TRAPPC9: variants seen among roughly 807,000 people sequenced by gnomAD.
TRAPPC9 encodes the protein trafficking protein particle complex subunit 9.
In TRAPPC9, 83 loss-of-function variants were observed where a neutral mutation model predicts 124.0. The ratio of observed to expected loss-of-function variants is 0.67; its 90% CI spans 0.56 to 0.80. TRAPPC9 has a LOEUF of 0.80. TRAPPC9 is among the 30% of genes least tolerant of loss of function. The pLI is 0.00. For synonymous variants in TRAPPC9, 638 were observed against 617.5 expected (o/e 1.03, Z -0.49); for missense variants, 1,302 against 1,508.3 (o/e 0.86, Z 2.27).
intron 17 of TRAPPC9, among the ~76,000 whole-genome samples, chr8:140,165,911 G>A (rs1333252438): frequency 2.6e-5 from 4 of 152,096 alleles, no homozygotes; most frequent in South Asian, 2.1e-4. Context: ...TGCTTCCTAC[G>A]TCTGCACTTT....
At chr8:140,194,337 T>C (rs971598394) in intron 17 of TRAPPC9, among the ~76,000 whole-genome samples, 2 of 152,030 alleles carry the variant, frequency 1.3e-5, no homozygotes, top group Non-Finnish European at 2.9e-5. Context: ...AAGTCCCTGA[T>C]ATAAAATAGC....
chr8:139,740,459 G>C (rs964087958), intron 21 of TRAPPC9, among the ~76,000 whole-genome samples: 4 of 152,236 alleles, frequency 2.6e-5, no homozygotes, highest in Non-Finnish European at 5.9e-5. Flanking sequence ...GGCAATGTGC[G>C]CATGCTGGGC....
At chr8:140,337,040 C>A (rs1479753983) in intron 9 of TRAPPC9, among the ~76,000 whole-genome samples, 2 of 152,154 alleles carry the variant, frequency 1.3e-5, no homozygotes, top group Non-Finnish European at 1.5e-5. Flanking sequence ...CAGTGTCGGA[C>A]ACTGAGATCC....
intron 18 of TRAPPC9, among the ~76,000 whole-genome samples, chr8:139,995,577 T>C (rs911292028): frequency 6.6e-6 from 1 of 152,136 alleles, no homozygotes; most frequent in Non-Finnish European, 1.5e-5. Context: ...GGGAAGCTCA[T>C]ATCCTGCCTT....
chr8:140,428,441 C>T (rs1368601656), intron 4 of TRAPPC9, among the ~76,000 whole-genome samples: 6 of 152,196 alleles, frequency 3.9e-5, no homozygotes, highest in South Asian at 2.1e-4. Context: ...CAGGTCCATA[C>T]GTCTCATTTG....
At chr8:139,831,262 G>C (rs534707598) in intron 21 of TRAPPC9, among the ~76,000 whole-genome samples, 1 of 152,162 alleles carries the variant, frequency 6.6e-6, no homozygotes, top group Non-Finnish European at 1.5e-5. Flanking sequence ...CTGCTGTGTC[G>C]TGTGTGTCTG....
chr8:140,020,349 C>T (rs1839760885), intron 18 of TRAPPC9, among the ~76,000 whole-genome samples: 1 of 152,166 alleles, frequency 6.6e-6, no homozygotes, highest in Non-Finnish European at 1.5e-5. Flanking sequence ...CTAATACAAA[C>T]ATTTACTGTA....
chr8:139,830,317 C>T (rs1825898967), intron 21 of TRAPPC9, among the ~76,000 whole-genome samples: 1 of 151,476 alleles, frequency 6.6e-6, no homozygotes, highest in African/African-American at 2.4e-5. Context: ...CATGCACACA[C>T]ATGCATACAC....
At chr8:139,740,141 A>G (rs1340794156) in intron 21 of TRAPPC9, among the ~76,000 whole-genome samples, 1 of 152,188 alleles carries the variant, frequency 6.6e-6, no homozygotes, top group Non-Finnish European at 1.5e-5. Flanking sequence ...CTCATGTTGT[A>G]AGGAATCTCC....
intron 17 of TRAPPC9, among the ~76,000 whole-genome samples, chr8:140,032,099 G>T (rs1268280592): frequency 2.0e-5 from 3 of 152,222 alleles, no homozygotes; most frequent in Admixed American, 6.5e-5. Context: ...TCTCTGAGAA[G>T]TCTTTCCAGC....
At chr8:140,387,316 A>G (rs2068781486) in intron 7 of TRAPPC9, among the ~76,000 whole-genome samples, 2 of 152,248 alleles carry the variant, frequency 1.3e-5, no homozygotes, top group South Asian at 4.1e-4. Flanking sequence ...AGGCACGGGC[A>G]AGGACTTCAT....
chr8:140,062,745 G>A lies in TRAPPC9; in HGVS notation c.2557-38666C>T, dbSNP rs967026810. On this transcript the variant is annotated intron_variant, in intron 17 of 22. Coordinates refer to ENST00000438773, the MANE Select transcript of TRAPPC9 (RefSeq NM_001160372.4). The stretch of plus-strand genomic sequence containing the variant: ...TTATTCACTGCGTCATTACCGGCAC[G>A]CACAGTGGCACCTGGCACATGGTGG... Among the ~76,000 whole-genome samples the A allele has an allele frequency of 6.6e-5, 10 of 152,028 alleles. No homozygotes were observed. In the East Asian group the frequency reaches 9.7e-4, roughly 15 times the overall value.
At chr8:140,167,224 G>T (rs2061856065) in intron 17 of TRAPPC9, among the ~76,000 whole-genome samples, 1 of 152,072 alleles carries the variant, frequency 6.6e-6, no homozygotes. Flanking sequence ...GTGACACAGA[G>T]CACAGGAATA....
chr8:140,199,033 G>C (rs892782877), intron 17 of TRAPPC9, among the ~76,000 whole-genome samples: 7 of 152,306 alleles, frequency 4.6e-5, no homozygotes, highest in Non-Finnish European at 7.3e-5. Flanking sequence ...GGGACTCCTG[G>C]GGGGAGCAAC....
At chr8:139,737,403 C>T (rs1818249384) in intron 21 of TRAPPC9, among the ~76,000 whole-genome samples, 1 of 151,216 alleles carries the variant, frequency 6.6e-6, no homozygotes, top group Non-Finnish European at 1.5e-5. Flanking sequence ...TCCCCTCCCT[C>T]GGCCGCTCCT....
chr8:140,184,554 G>C (rs371777447), intron 17 of TRAPPC9, among the ~76,000 whole-genome samples: 2 of 152,122 alleles, frequency 1.3e-5, no homozygotes, highest in East Asian at 3.9e-4. Flanking sequence ...TCCTGCCTCA[G>C]CCTCCCGAAC....
chr8:139,965,996 A>G (rs1419788731), intron 19 of TRAPPC9, among the ~76,000 whole-genome samples: 1 of 152,232 alleles, frequency 6.6e-6, no homozygotes, highest in Non-Finnish European at 1.5e-5. Context: ...GCAAGGGGAA[A>G]ATGTCCTTGG....
chr8:139,820,023 A>C (rs1396227922), intron 21 of TRAPPC9, among the ~76,000 whole-genome samples: 1 of 150,978 alleles, frequency 6.6e-6, no homozygotes, highest in Non-Finnish European at 1.5e-5. Flanking sequence ...AAAAAAAAAA[A>C]AAAAAAAAGA....
intron 17 of TRAPPC9, among the ~76,000 whole-genome samples, chr8:140,141,882 G>C (rs2130777872): frequency 6.6e-6 from 1 of 152,290 alleles, no homozygotes; most frequent in East Asian, 1.9e-4. Context: ...CCACTCATTT[G>C]TCCAGTTTAT....
Sources: allele counts gnomAD v4.1 joint callset (sites outside exome capture counted in the v4.1 genomes callset), GRCh38; gene constraint gnomAD v4.1.1; transcripts MANE v1.5; gene names NCBI Gene and HGNC (gene_info 2026-07-23, HGNC 2026-07-21).